The following KCNH8 variants were observed in gnomAD, a reference collection of about 807,000 sequenced individuals.
KCNH8 encodes voltage-gated delayed rectifier potassium channel KCNH8.
In KCNH8, 70 loss-of-function variants were observed where a neutral mutation model predicts 103.6. The ratio of observed to expected loss-of-function variants is 0.68; its 90% CI spans 0.56 to 0.82. KCNH8 has a LOEUF of 0.82. Ranked by LOEUF, KCNH8 falls within the 40% of genes least tolerant of loss-of-function variation. KCNH8 has a pLI of 0.00. For missense variants in KCNH8, 1,217 were observed against 1,329.9 expected (o/e 0.92, Z 1.32); for synonymous variants, 498 against 489.4 (o/e 1.02, Z -0.23).
At chr3:19,519,158 G>T (rs570356618) in intron 15 of KCNH8, among the ~76,000 whole-genome samples, 13 of 152,046 alleles carry the variant, frequency 8.6e-5, no homozygotes, top group African/African-American at 3.1e-4. Flanking sequence ...AAAAAAAATT[G>T]CTCAGGCGAG....
chr3:19,423,850 A>C (rs1485863944), intron 7 of KCNH8, among the ~76,000 whole-genome samples: 2 of 152,000 alleles, frequency 1.3e-5, no homozygotes, highest in South Asian at 2.1e-4. Context: ...TCTTTAAGGA[A>C]TCTCCATACT....
intron 1 of KCNH8, among the ~76,000 whole-genome samples, chr3:19,166,167 C>T (rs907486033): frequency 6.6e-5 from 10 of 152,114 alleles, no homozygotes; most frequent in Middle Eastern, 3.4e-3. Context: ...AAAAATAACA[C>T]GTTTCAAAAA....
chr3:19,165,837 T>C (rs1302147108), intron 1 of KCNH8, among the ~76,000 whole-genome samples: 2 of 152,222 alleles, frequency 1.3e-5, no homozygotes, highest in African/African-American at 4.8e-5. Context: ...GTAGATTGTC[T>C]ACAGGCTCTG....
Position 19,533,894 on chromosome 3 carries a change from C to T in KCNH8, c.3119C>T (p.Thr1040Ile). 1 of 1,614,162 alleles carries T rather than the reference C, an allele frequency of 6.2e-7. No homozygotes were observed. Among genetic ancestry groups the T allele is most frequent in the Non-Finnish European group, 8.5e-7 (1 of 1,180,020 alleles). ...LSSSVCSSSE[T>I]SLHLVLPSRS... ...TCTTCTGTCTGCTCCTCTTCGGAAA[C>T]ATCTTTGCACCTAGTTCTCCCAAGC... is the stretch of plus-strand genomic sequence containing the variant. The change falls in exon 16 of 16, where the codon ACA becomes ATA. Residue 1040 changes from threonine to isoleucine, a missense_variant. Around this residue, in one of 3 missense-constraint regions of KCNH8, gnomAD observed 558 missense variants for 495.8 expected, o/e 1.13. Coordinates refer to ENST00000328405, the MANE Select transcript of KCNH8 (RefSeq NM_144633.3).
At chr3:19,291,807 TTC>T (rs373731558) in intron 3 of KCNH8, among the ~76,000 whole-genome samples, 305 of 152,318 alleles carry the variant, frequency 2.0e-3, no homozygotes, top group African/African-American at 7.0e-3. Flanking sequence ...CTTGTTAACT[TTC>T]TGTCTCGTTG....
At chr3:19,149,516 A>T (rs921482888) in intron 1 of KCNH8, among the ~76,000 whole-genome samples, 1 of 152,118 alleles carries the variant, frequency 6.6e-6, no homozygotes, top group Non-Finnish European at 1.5e-5. Flanking sequence ...AGGAAAAAAA[A>T]TAGATAGGAT....
At chr3:19,273,804 T>TG (rs2064624122) in intron 2 of KCNH8, among the ~76,000 whole-genome samples, 1 of 152,170 alleles carries the variant, frequency 6.6e-6, no homozygotes, top group South Asian at 2.1e-4. Flanking sequence ...CTGATCCCAG[T>TG]CTCATTGGAT....
chr3:19,446,194 T>C (rs1312584693), intron 8 of KCNH8, among the ~76,000 whole-genome samples: 1 of 152,038 alleles, frequency 6.6e-6, no homozygotes, highest in Admixed American at 6.6e-5. Flanking sequence ...CTCATGTCTT[T>C]AAAAATTCTT....
chr3:19,363,615 C>T lies in KCNH8; in HGVS notation c.811+15650C>T, dbSNP rs573935739. On this transcript the variant is annotated intron_variant, in intron 5 of 15. Coordinates refer to ENST00000328405, the MANE Select transcript of KCNH8 (RefSeq NM_144633.3). Reference sequence around the variant, plus strand: ...TATTGTGCATAACCTATATAATCTCCGTTTCGTGTTAAATGGAACTAAGGG... The same window carrying T: ...TATTGTGCATAACCTATATAATCTCTGTTTCGTGTTAAATGGAACTAAGGG... Among the ~76,000 whole-genome samples, 359 of 152,220 alleles carry T rather than the reference C, an allele frequency of 2.4e-3. 5 individuals carry two copies. The highest frequency in any genetic ancestry group is 8.1e-3 in the African/African-American group (337 of 41,552).
At position 19,278,812 on chromosome 3, in the gene KCNH8, A is replaced by G. The variant is rs113731310; in HGVS notation, c.311-2386A>G. 5.4e-3 allele frequency among the ~76,000 whole-genome samples: 827 copies of G among 152,306 alleles called. 25 individuals are homozygous for G. The East Asian group carries it at 0.084, about 15-fold the overall frequency. On this transcript the variant is annotated intron_variant, in intron 2 of 15. Transcript: ENST00000328405. ...AGTAAACTTTCAGTTATTCCAGAAT[A>G]TAATGTGAAATGATGGCTGTGCCTC...
chr3:19,506,017 C>T (rs575757485), intron 11 of KCNH8, among the ~76,000 whole-genome samples: 1 of 152,264 alleles, frequency 6.6e-6, no homozygotes, highest in Admixed American at 6.5e-5. Flanking sequence ...CTATTTGCTT[C>T]TGTTTTATAA....
At chr3:19,182,540 A>G (rs992623914) in intron 1 of KCNH8, among the ~76,000 whole-genome samples, 1 of 152,184 alleles carries the variant, frequency 6.6e-6, no homozygotes, top group Non-Finnish European at 1.5e-5. Context: ...CCCCAAGAAA[A>G]GAAGAGGCTT....
intron 1 of KCNH8, among the ~76,000 whole-genome samples, chr3:19,165,774 G>A (rs2063277220): frequency 6.6e-6 from 1 of 152,162 alleles, no homozygotes; most frequent in Admixed American, 6.5e-5. Context: ...TCTAATCCAA[G>A]TTGGGCTTAG....
chr3:19,405,646 TGTG>T (rs1559312394), intron 7 of KCNH8, among the ~76,000 whole-genome samples: 3 of 151,948 alleles, frequency 2.0e-5, no homozygotes, highest in Non-Finnish European at 4.4e-5. Context: ...AACTTTATAT[TGTG>T]GTTCTCAAAA....
chr3:19,170,673 TACACAC>T (rs1187399187), intron 1 of KCNH8, among the ~76,000 whole-genome samples: 45 of 141,348 alleles, frequency 3.2e-4, no homozygotes, highest in African/African-American at 1.2e-3. Flanking sequence ...CACATATATA[TACACAC>T]ACACATATAT....
At chr3:19,424,043 G>A (rs78523520) in intron 7 of KCNH8, among the ~76,000 whole-genome samples, 5,216 of 152,096 alleles carry the variant, frequency 0.034, 220 homozygotes, top group East Asian at 0.2. Flanking sequence ...GCCAAAGGCA[G>A]TCTACAGATT....
intron 3 of KCNH8, among the ~76,000 whole-genome samples, chr3:19,303,594 C>A (rs2065092072): frequency 6.6e-6 from 1 of 152,086 alleles, no homozygotes; most frequent in Non-Finnish European, 1.5e-5. Flanking sequence ...CTGATATGTG[C>A]ATTGAGACAA....
At chr3:19,314,795 C>T (rs2065252422) in intron 3 of KCNH8, 1 of 154,196 alleles carries the variant, frequency 6.5e-6, no homozygotes, top group Non-Finnish European at 1.5e-5. Context: ...CTCCCAATCC[C>T]AGATCATTCC....
chr3:19,164,533 C>T (rs1217998659), intron 1 of KCNH8, among the ~76,000 whole-genome samples: 1 of 152,140 alleles, frequency 6.6e-6, no homozygotes, highest in African/African-American at 2.4e-5. Context: ...TCAAAAGTCA[C>T]ACATTTTGTA....
Sources: gnomAD v4.1 joint callset for allele counts (sites outside exome capture counted in the v4.1 genomes callset) on GRCh38, gnomAD v4.1.1 for gene constraint, gnomAD v4.1.1 regional missense constraint, MANE v1.5 for transcripts, NCBI Gene and HGNC (gene_info 2026-07-23, HGNC 2026-07-21) for gene names.